The following ADCY8 variants were observed in gnomAD, a reference collection of about 807,000 sequenced individuals.
ADCY8 encodes the protein adenylate cyclase 8, also known as adenylate cyclase type 8.
A neutral mutation model predicts 119.7 loss-of-function variants in ADCY8; 51 were observed. The ratio of observed to expected loss-of-function variants is 0.43; its 90% CI spans 0.34 to 0.54. ADCY8 has a LOEUF of 0.54. ADCY8 is among the 20% of genes least tolerant of loss of function. ADCY8 has a pLI of 0.03. For missense variants in ADCY8, 1,383 were observed against 1,598.8 expected, an observed-to-expected ratio of 0.87 and a Z score of 2.30; for synonymous variants, 665 against 651.0, an observed-to-expected ratio of 1.02 and a Z score of -0.33.
chr8:131,019,902 G>A (rs572835109), intron 1 of ADCY8, among the ~76,000 whole-genome samples: 2 of 145,842 alleles, frequency 1.4e-5, no homozygotes, highest in African/African-American at 5.1e-5. Flanking sequence ...GAAAATTGCG[G>A]GTGTTTTGAA....
chr8:131,010,455 A>G (rs946315724), intron 1 of ADCY8, among the ~76,000 whole-genome samples: 6 of 152,188 alleles, frequency 3.9e-5, no homozygotes, highest in African/African-American at 1.4e-4. Context: ...AATGCAGTGG[A>G]ATGTTCACAT....
At chr8:130,815,585 A>G (rs1162026215) in intron 13 of ADCY8, among the ~76,000 whole-genome samples, 1 of 152,262 alleles carries the variant, frequency 6.6e-6, no homozygotes, top group Admixed American at 6.5e-5. Flanking sequence ...AAGATCACAC[A>G]TGAGTTAGTG....
chr8:130,880,431 CA>C (rs1405284938), intron 8 of ADCY8, among the ~76,000 whole-genome samples: 1 of 152,028 alleles, frequency 6.6e-6, no homozygotes. Flanking sequence ...AAGGAAATAC[CA>C]ATGTGATTGG....
chr8:130,783,789 C>T lies in ADCY8; in HGVS notation c.3170G>A (p.Trp1057Ter), dbSNP rs1429431635. Residue 1057 changes from tryptophan (W) to a stop codon, truncating the protein, a stop_gained, in exon 17 of 18, where the codon TGG becomes TAG. Coordinates refer to ENST00000286355, the MANE Select transcript of ADCY8 (RefSeq NM_001115.3). LOFTEE classifies it high-confidence loss of function. ...SPEKQQCEDKWGHLCALADFS... is the reference protein window; with the variant it reads ...SPEKQQCEDK ...GTCAGCCAGAGCACACAAATGTCCC[C>T]ACTTGTCTTCACATTGCTGAAGCAA... 6.2e-7 allele frequency: 1 copy of T among 1,613,186 alleles called. No homozygotes were observed. Among genetic ancestry groups the T allele is most frequent in the East Asian group, 2.2e-5 (1 of 44,852 alleles).
In ADCY8 at chr8:131,040,687, G is replaced by A. The variant is rs1481718561; in HGVS notation, c.-354C>T. 5.2e-6 allele frequency: 1 copy of A among 192,730 alleles called. No homozygotes were observed. Among genetic ancestry groups the A allele is most frequent in the Non-Finnish European group, 1.0e-5 (1 of 95,634 alleles). The allele number at this position is 192,730 out of a possible 1,614,324, so 11.9% of individuals were successfully genotyped here. A position where few individuals can be genotyped will look rare whatever the true frequency, so the allele number is the denominator to read the frequency against. On this transcript the variant is annotated 5_prime_UTR_variant, in exon 1 of 18. Transcript: ENST00000286355. ...GGCTCCTTGGTTGATTCTAGGCTCA[G>A]CGTTTTGGCGCAGCCTTTGCTCTCC...
chr8:130,880,799 C>T (rs1055406389), intron 8 of ADCY8, among the ~76,000 whole-genome samples: 11 of 152,188 alleles, frequency 7.2e-5, no homozygotes, highest in African/African-American at 2.7e-4. Context: ...ACTAATTTCA[C>T]ATTGTAAAAA....
chr8:131,033,951 A>G (rs1277319426), intron 1 of ADCY8, among the ~76,000 whole-genome samples: 1 of 152,120 alleles, frequency 6.6e-6, no homozygotes, highest in African/African-American at 2.4e-5. Flanking sequence ...CATTTTTCTC[A>G]GACATGCTGG....
chr8:130,882,665 G>A (rs904747938), intron 8 of ADCY8, among the ~76,000 whole-genome samples: 3 of 152,162 alleles, frequency 2.0e-5, no homozygotes, highest in African/African-American at 4.8e-5. Flanking sequence ...GTTTCACCAA[G>A]TATAAAATGA....
At chr8:130,924,825 C>T (rs532786825) in intron 5 of ADCY8, among the ~76,000 whole-genome samples, 7 of 152,232 alleles carry the variant, frequency 4.6e-5, no homozygotes, top group African/African-American at 1.7e-4. Context: ...GGCCTATCAC[C>T]CCGCCTATCT....
chr8:131,040,300 T>G lies in ADCY8; in HGVS notation c.34A>C (p.Ser12Arg). Residue 12 changes from serine (S) to arginine (R), a missense_variant, in exon 1 of 18, where the codon AGC becomes CGC. By Grantham distance (110) the Ser-to-Arg change is moderately radical (BLOSUM62 -1). Around this residue, in one of 2 missense-constraint regions of ADCY8, gnomAD observed 455 missense variants for 435.3 expected, o/e 1.05. Transcript: ENST00000286355. ...ELSDVRCLTG[S>R]EELYTIHPTP... is the part of the protein sequence containing the mutation. ...GGGTGGATGGTGTAGAGTTCCTCGC[T>G]GCCTGTAAGGCAGCGCACATCGGAG... 6.4e-7 allele frequency: 1 copy of G among 1,555,982 alleles called. No individual in the cohort carries two copies. Among genetic ancestry groups the G allele is most frequent in the Non-Finnish European group, 8.7e-7 (1 of 1,155,668 alleles).
chr8:130,956,750 G>C (rs906627308), intron 2 of ADCY8, among the ~76,000 whole-genome samples: 6 of 152,132 alleles, frequency 3.9e-5, no homozygotes, highest in African/African-American at 1.4e-4. Flanking sequence ...CTTCCTTACT[G>C]TTCTCATGGT....
chr8:130,869,880 C>T (rs1261041751), intron 8 of ADCY8, among the ~76,000 whole-genome samples: 1 of 151,976 alleles, frequency 6.6e-6, no homozygotes, highest in Non-Finnish European at 1.5e-5. Flanking sequence ...TTAAAAACAG[C>T]AGTAATAATC....
chr8:130,797,057 A>G (rs905539046), intron 15 of ADCY8, among the ~76,000 whole-genome samples: 1 of 152,232 alleles, frequency 6.6e-6, no homozygotes, highest in Non-Finnish European at 1.5e-5. Context: ...TAATTCAAAT[A>G]TACTTTATTC....
At chr8:131,034,251 C>A (rs1026178165) in intron 1 of ADCY8, among the ~76,000 whole-genome samples, 3 of 152,026 alleles carry the variant, frequency 2.0e-5, no homozygotes, top group African/African-American at 7.2e-5. Flanking sequence ...TAGACTTAGA[C>A]AAAGAACATA....
chr8:130,989,835 C>A (rs1393663248), intron 2 of ADCY8, among the ~76,000 whole-genome samples: 1 of 152,192 alleles, frequency 6.6e-6, no homozygotes, highest in African/African-American at 2.4e-5. Flanking sequence ...CTTAACCTCT[C>A]CAAATTGGAA....
chr8:130,891,633 G>T (rs550596399), intron 7 of ADCY8, among the ~76,000 whole-genome samples: 1 of 152,216 alleles, frequency 6.6e-6, no homozygotes, highest in African/African-American at 2.4e-5. Flanking sequence ...GAGAATGCTT[G>T]TTATGTTTGA....
intron 7 of ADCY8, among the ~76,000 whole-genome samples, chr8:130,897,760 C>T (rs1210884558): frequency 1.8e-4 from 1 of 5,710 alleles, no homozygotes; most frequent in Non-Finnish European, 3.8e-4. Context: ...ACATACATAC[C>T]ACACATACAT....
chr8:130,781,015 C>G, intron 17 of ADCY8, 138 bp from the exon 18 acceptor site: 1 of 1,146,412 alleles, frequency 8.7e-7, no homozygotes, highest in South Asian at 1.5e-5. Context: ...TGCCCCCAGT[C>G]ACTTATTAGA....
intron 2 of ADCY8, among the ~76,000 whole-genome samples, chr8:130,980,888 C>A (rs11776501): frequency 0.022 from 3,309 of 152,286 alleles, 41 homozygotes; most frequent in East Asian, 0.058. Context: ...CTCCCTACCC[C>A]ACTTAAGTGA....
Sources: allele counts gnomAD v4.1 joint callset (sites outside exome capture counted in the v4.1 genomes callset), GRCh38; gene constraint gnomAD v4.1.1; regional missense constraint gnomAD v4.1.1; transcripts MANE v1.5; gene names NCBI Gene and HGNC (gene_info 2026-07-23, HGNC 2026-07-21).